Variants in DCT observed in about 807,000 individuals in gnomAD.
The protein encoded by DCT is dopachrome tautomerase.
DCT carries 47 observed loss-of-function variants against 53.0 expected under a neutral mutation model. That is an observed-to-expected ratio of 0.89 (90% confidence interval 0.70 to 1.13). The LOEUF (loss-of-function observed/expected upper bound fraction) is 1.13. DCT is among the 50% of genes most tolerant of loss of function. DCT has a pLI of 0.00. For missense variants in DCT, 669 were observed against 637.4 expected, an observed-to-expected ratio of 1.05 and a Z score of -0.53; for synonymous variants, 244 against 237.0, an observed-to-expected ratio of 1.03 and a Z score of -0.27.
At chr13:94,458,918 A>C (rs61964062) in intron 6 of DCT, among the ~76,000 whole-genome samples, 23,368 of 152,072 alleles carry the variant, frequency 0.15, 2,034 homozygotes, top group Non-Finnish European at 0.2. Context: ...ACCCTGTTGC[A>C]CAGGCTGGGA....
In DCT at chr13:94,460,183, A is replaced by G; in HGVS notation, c.1087T>C (p.Ser363Pro). The G allele has an allele frequency of 6.2e-7, 1 of 1,613,950 alleles. No individual in the cohort carries two copies. The change falls in exon 6 of 8, where the codon TCT (serine) becomes CCT (proline). Residue 363 changes from serine to proline, a missense_variant. Physicochemically the swap from Ser to Pro is moderately conservative, Grantham distance 74 (BLOSUM62 -1). Coordinates refer to ENST00000377028, the MANE Select transcript of DCT (RefSeq NM_001922.5). ...AAATTATGAAGGCTCATCACTTGAG[A>G]ATCCAGAGTCCCATCTGCTTTATCA... ...GFDKADGTLD[S>P]QVMSLHNLVH...
chr13:94,491,783 G>A, the DCT span, among the ~76,000 whole-genome samples: 11 of 152,220 alleles, frequency 7.2e-5, no homozygotes, highest in South Asian at 2.1e-3. Context: ...GGGTGTAGGG[G>A]AGTCTACTTC....
intron 6 of DCT, among the ~76,000 whole-genome samples, chr13:94,448,183 T>G (rs1040815289): frequency 1.3e-5 from 2 of 152,150 alleles, no homozygotes; most frequent in African/African-American, 4.8e-5. Flanking sequence ...AAGTCAAGGC[T>G]GCAGTGAGCT....
chr13:94,438,601 C>G lies in DCT; in HGVS notation c.*1297G>C, dbSNP rs1432119492. On this transcript the variant is annotated 3_prime_UTR_variant, in exon 8 of 8. Coordinates refer to ENST00000377028, the MANE Select transcript of DCT (RefSeq NM_001922.5). Reference sequence around the variant, plus strand: ...ACGCCCTAGAACTTCAGTCTCACTCCTGATGCACAGAAACCAGATATGAGC... The same window carrying G: ...ACGCCCTAGAACTTCAGTCTCACTCGTGATGCACAGAAACCAGATATGAGC... 1 of 455,892 alleles carries G rather than the reference C, an allele frequency of 2.2e-6. No homozygotes were observed. The highest frequency in any genetic ancestry group is 4.4e-6 in the Non-Finnish European group (1 of 226,780). The allele number at this position is 455,892 out of a possible 1,614,324, so 28.2% of individuals were successfully genotyped here. A position where few individuals can be genotyped will look rare whatever the true frequency, so the allele number is the denominator to read the frequency against.
chr13:94,508,982 T>G, the DCT span, among the ~76,000 whole-genome samples: 1 of 152,176 alleles, frequency 6.6e-6, no homozygotes, highest in Non-Finnish European at 1.5e-5. Flanking sequence ...TGCCACTGAA[T>G]CAGACACTAC....
chr13:94,517,823 T>G, the DCT span, among the ~76,000 whole-genome samples: 1 of 152,100 alleles, frequency 6.6e-6, no homozygotes, highest in Admixed American at 6.5e-5. Context: ...CGTTGACTAA[T>G]TAATTAAATT....
intron 2 of DCT, chr13:94,468,325 C>G (rs955763350): frequency 5.6e-6 from 1 of 179,762 alleles, no homozygotes; most frequent in Admixed American, 5.4e-5. Context: ...TAATTCCGCA[C>G]AAAGAAGCTT....
chr13:94,454,013 G>A (rs557221210), intron 6 of DCT, among the ~76,000 whole-genome samples: 1 of 152,188 alleles, frequency 6.6e-6, no homozygotes, highest in South Asian at 2.1e-4. Flanking sequence ...TAACTTTGTT[G>A]TAGCCTAGAA....
chr13:94,535,646 G>A, the DCT span, among the ~76,000 whole-genome samples: 1 of 152,224 alleles, frequency 6.6e-6, no homozygotes, highest in Non-Finnish European at 1.5e-5. Flanking sequence ...TAGTGGACCA[G>A]AGGTCCAATT....
chr13:94,445,706 G>C (rs1005361244), intron 6 of DCT: 2 of 1,573,058 alleles, frequency 1.3e-6, no homozygotes, highest in Non-Finnish European at 1.7e-6. Flanking sequence ...GAGCCTCCCA[G>C]GCTCATGGTT....
intron 7 of DCT, among the ~76,000 whole-genome samples, chr13:94,441,834 T>G (rs1882339864): frequency 6.6e-6 from 1 of 152,226 alleles, no homozygotes; most frequent in African/African-American, 2.4e-5. Flanking sequence ...CTGCTGGACC[T>G]TGCTTTCAGT....
At chr13:94,485,645 G>T in the DCT span, among the ~76,000 whole-genome samples, 9 of 152,162 alleles carry the variant, frequency 5.9e-5, no homozygotes, top group East Asian at 1.7e-3. Flanking sequence ...AATAAAGGCA[G>T]GTCACTCTTT....
intron 4 of DCT, among the ~76,000 whole-genome samples, chr13:94,463,795 G>A (rs1009870134): frequency 6.6e-6 from 1 of 152,096 alleles, no homozygotes; most frequent in African/African-American, 2.4e-5. Flanking sequence ...AATATAATCA[G>A]CACATCCACA....
At chr13:94,457,778 G>T (rs577956309) in intron 6 of DCT, among the ~76,000 whole-genome samples, 2 of 152,246 alleles carry the variant, frequency 1.3e-5, no homozygotes, top group East Asian at 3.9e-4. Flanking sequence ...GGTGAGTTGC[G>T]TATCTGTAAA....
chr13:94,527,066 G>T, the DCT span, among the ~76,000 whole-genome samples: 6 of 152,178 alleles, frequency 3.9e-5, no homozygotes, highest in African/African-American at 1.4e-4. Flanking sequence ...GCTTGACTGG[G>T]GAGGGGCGTC....
At chr13:94,503,146 G>A in the DCT span, among the ~76,000 whole-genome samples, 4 of 152,088 alleles carry the variant, frequency 2.6e-5, no homozygotes, top group African/African-American at 7.2e-5. Context: ...GGAGGCCAAG[G>A]GGGCATGGAT....
At chr13:94,440,304 C>T (rs1448894633) in intron 7 of DCT, among the ~76,000 whole-genome samples, 2 of 152,112 alleles carry the variant, frequency 1.3e-5, no homozygotes, top group African/African-American at 4.8e-5. Flanking sequence ...CAGCTTATTG[C>T]ATTTTAAAAA....
the DCT span, among the ~76,000 whole-genome samples, chr13:94,534,172 A>G: frequency 6.6e-6 from 1 of 151,472 alleles, no homozygotes; most frequent in East Asian, 1.9e-4. Flanking sequence ...TGTATATAAT[A>G]AATTAAATAA....
Position 94,479,411 on chromosome 13 carries a change from TCA to T in DCT, c.-158_-157del, listed in dbSNP as rs1885338252. The T allele has an allele frequency of 1.4e-6, 1 of 716,382 alleles. No individual in the cohort carries two copies. The highest frequency in any genetic ancestry group is 3.1e-5 in the Admixed American group (1 of 32,570). The allele number at this position is 716,382 out of a possible 1,614,324, so 44.4% of individuals were successfully genotyped here. ...CTTCTTAAAAAAATACCCACAAGAATCACAGAGGTTACATGTGTGCACATGTG... is the reference window on the plus strand; with the variant it reads ...CTTCTTAAAAAAATACCCACAAGAATCAGAGGTTACATGTGTGCACATGTG... On this transcript the variant is annotated 5_prime_UTR_variant, in exon 1 of 8. An upstream open reading frame in the 5' UTR loses its in-frame stop. Coordinates refer to ENST00000377028, the MANE Select transcript of DCT (RefSeq NM_001922.5).
Sources: gnomAD v4.1 joint callset for allele counts (sites outside exome capture counted in the v4.1 genomes callset) on GRCh38, gnomAD v4.1.1 for gene constraint, MANE v1.5 for transcripts, NCBI Gene and HGNC (gene_info 2026-07-23, HGNC 2026-07-21) for gene names.